GRK7: variants seen among roughly 807,000 people sequenced by gnomAD.
The protein encoded by GRK7 is rhodopsin kinase GRK7.
In GRK7, 24 loss-of-function variants were observed where a neutral mutation model predicts 34.1. That is an observed-to-expected ratio of 0.70 (90% CI 0.51 to 0.99). GRK7 has a LOEUF of 0.99. Among genes scored for constraint, GRK7 ranks in the 50% least tolerant of loss-of-function variants. The probability of loss-of-function intolerance (pLI) is 0.00; values close to 1 mark genes in which losing one functional copy is unlikely to be tolerated. For synonymous variants in GRK7, 256 were observed against 279.4 expected (o/e 0.92, Z 0.84); for missense variants, 644 against 707.3 (o/e 0.91, Z 1.02).
At position 141,765,222 on chromosome 3, in the gene GRK7, C is replaced by T. The variant is rs1306522071; in HGVS notation, c.-731C>T. Among the ~76,000 whole-genome samples, 1 of 152,224 alleles carries T rather than the reference C, an allele frequency of 6.6e-6. No homozygotes were observed. Among genetic ancestry groups the T allele is most frequent in the East Asian group, 1.9e-4 (1 of 5,188 alleles). On this transcript the variant is annotated 5_prime_UTR_variant, in exon 1 of 6. Coordinates refer to ENST00000682958, the MANE Select transcript of GRK7 (RefSeq NM_139209.3). ...TGACTTTCTTGCTGTTTCTCAAGCT[C>T]ACCAGGATTTGAGCCAGCTGTTCCT...
At chr3:141,791,359 GT>G (rs550959736) in intron 4 of GRK7, among the ~76,000 whole-genome samples, 4 of 149,604 alleles carry the variant, frequency 2.7e-5, no homozygotes, top group South Asian at 2.1e-4. Flanking sequence ...ATGCCCCCCA[GT>G]TTTTTTTTTC....
At chr3:141,815,091 A>AT (rs1464035554) in intron 5 of GRK7, among the ~76,000 whole-genome samples, 1 of 151,662 alleles carries the variant, frequency 6.6e-6, no homozygotes, top group Non-Finnish European at 1.5e-5. Flanking sequence ...CACCTGTCTA[A>AT]TTTTTTGTAT....
chr3:141,778,630 GC>G lies in GRK7; in HGVS notation c.350del (p.Pro117LeufsTer31), dbSNP rs1270248182. On this transcript the variant is annotated frameshift_variant, in exon 3 of 6. Transcript: ENST00000682958. LOFTEE classifies it high-confidence loss of function. The surrounding 1 kb of genome is among the most constrained non-coding windows in gnomAD (Gnocchi z 4.1). ...GGGGCTGGTGGCCACTTGTGCGAGT[GC>G]CCCTGCCCCGGGGAACCCGCAACCC... ...LQGLVATCAS[A>X]PAPGNPQPFL... is the part of the protein sequence containing the mutation. 1.2e-6 allele frequency: 2 copies of G among 1,612,292 alleles called. No individual in the cohort carries two copies. The highest frequency in any genetic ancestry group is 1.7e-6 in the Non-Finnish European group (2 of 1,179,340).
the GRK7 span, among the ~76,000 whole-genome samples, chr3:141,756,879 G>C: frequency 0.065 from 9,902 of 152,172 alleles, 327 homozygotes; most frequent in South Asian, 0.11. Flanking sequence ...AAGCTCCTTG[G>C]AGTTCATTAG....
At chr3:141,793,798 T>C (rs533435074) in intron 4 of GRK7, among the ~76,000 whole-genome samples, 2 of 152,340 alleles carry the variant, frequency 1.3e-5, no homozygotes, top group African/African-American at 4.8e-5. Flanking sequence ...GGGGGCTCAC[T>C]GTGAAATAAA....
the GRK7 span, among the ~76,000 whole-genome samples, chr3:141,751,866 A>C: frequency 6.6e-6 from 1 of 152,222 alleles, no homozygotes; most frequent in Admixed American, 6.5e-5. Context: ...CAGTGAAGAA[A>C]ATTCTATTGG....
At position 141,781,343 on chromosome 3, in the gene GRK7, C is replaced by G. The variant is rs774605601; in HGVS notation, c.1050+532C>G. On this transcript the variant is annotated intron_variant, in intron 4 of 5. Transcript: ENST00000682958. ...GCTGAGGTCAGGAGTTTGAGACCAG[C>G]CTGGCCAACATGGTGAAACCCCATC... Among the ~76,000 whole-genome samples, 8 of 152,086 alleles carry G rather than the reference C, an allele frequency of 5.3e-5. No individual in the cohort carries two copies. The South Asian group carries it at 1.5e-3, about 28-fold the overall frequency.
Position 141,778,022 on chromosome 3 carries a change from G to A in GRK7, c.-113-150G>A, listed in dbSNP as rs1317106951. The A allele has an allele frequency of 6.3e-6, 3 of 479,496 alleles. No individual in the cohort carries two copies. Among genetic ancestry groups the A allele is most frequent in the Non-Finnish European group, 1.1e-5 (3 of 273,528 alleles). The allele number at this position is 479,496 out of a possible 1,614,324, so 29.7% of individuals were successfully genotyped here. On this transcript the variant is annotated intron_variant, in intron 2 of 5. Coordinates refer to ENST00000682958, the MANE Select transcript of GRK7 (RefSeq NM_139209.3). The surrounding 1 kb of genome is among the most constrained non-coding windows in gnomAD (Gnocchi z 4.1). ...CCCTAAGATGAAGGGACCAGTGGGG[G>A]AGGTGGCCCCGGCAGGTGTCCCAGC...
chr3:141,797,153 C>T (rs1258401098), intron 4 of GRK7, among the ~76,000 whole-genome samples: 1 of 152,226 alleles, frequency 6.6e-6, no homozygotes, highest in Admixed American at 6.5e-5. Flanking sequence ...CTCTTTTGGG[C>T]TCCCTGTGTG....
chr3:141,755,158 G>A, the GRK7 span, among the ~76,000 whole-genome samples: 1 of 152,096 alleles, frequency 6.6e-6, no homozygotes, highest in South Asian at 2.1e-4. Flanking sequence ...AAATAAAATG[G>A]TTGCTTCTAT....
chr3:141,817,149 G>A lies in GRK7; in HGVS notation c.*99G>A, dbSNP rs1711164063. 1.1e-6 allele frequency: 1 copy of A among 873,674 alleles called. No homozygotes were observed. The highest frequency in any genetic ancestry group is 1.8e-6 in the Non-Finnish European group (1 of 570,186). 54.1% of individuals were successfully genotyped at this position (873,674 alleles called of 1,614,324 possible). A position where few individuals can be genotyped will look rare whatever the true frequency, so the allele number is the denominator to read the frequency against. On this transcript the variant is annotated 3_prime_UTR_variant, in exon 6 of 6. Transcript: ENST00000682958. ...TGTGGAATGAGGGCTAATCAGTTAG[G>A]AGGGACATCACAACCACAAAACAAT... is the stretch of plus-strand genomic sequence containing the variant.
the GRK7 span, among the ~76,000 whole-genome samples, chr3:141,755,594 A>G: frequency 1.3e-5 from 2 of 152,226 alleles, no homozygotes; most frequent in Non-Finnish European, 1.5e-5. Flanking sequence ...TGTGCCCATT[A>G]TGCCTCATCA....
rs536535609 is a variant in GRK7 at position 141,763,537 on chromosome 3, T to G, written c.-2416T>G. On this transcript the variant is annotated 5_prime_UTR_variant, in exon 1 of 6. Coordinates refer to ENST00000682958, the MANE Select transcript of GRK7 (RefSeq NM_139209.3). ...GGGCCCCAGTGCTGTGCCTAAGACC[T>G]CCTTCAACTTAGCAGTAGCCCAGTG... 1.3e-5 allele frequency among the ~76,000 whole-genome samples: 2 copies of G among 152,214 alleles called. No individual in the cohort carries two copies. Among genetic ancestry groups the G allele is most frequent in the East Asian group, 3.9e-4 (2 of 5,168 alleles).
chr3:141,792,305 G>A (rs1320771322), intron 4 of GRK7, among the ~76,000 whole-genome samples: 1 of 151,728 alleles, frequency 6.6e-6, no homozygotes, highest in Non-Finnish European at 1.5e-5. Context: ...TCGGGAGGCT[G>A]AGGCAGGGGA....
chr3:141,754,358 T>A, the GRK7 span, among the ~76,000 whole-genome samples: 2 of 152,082 alleles, frequency 1.3e-5, no homozygotes, highest in African/African-American at 4.8e-5. Flanking sequence ...ATTTATGTTC[T>A]TGGGAAAAAG....
intron 4 of GRK7, among the ~76,000 whole-genome samples, chr3:141,803,345 C>T (rs929734154): frequency 2.0e-5 from 3 of 151,318 alleles, no homozygotes; most frequent in Non-Finnish European, 2.9e-5. Flanking sequence ...GCAGAAGAAT[C>T]GCTTGAACCG....
upstream of GRK7, among the ~76,000 whole-genome samples, chr3:141,762,811 G>A (rs184101418): frequency 5.1e-3 from 784 of 152,354 alleles, 1 homozygote; most frequent in African/African-American, 0.018. Context: ...CGAGCCAGGT[G>A]AGGGATATAA....
chr3:141,788,752 G>A (rs950824281), intron 4 of GRK7, among the ~76,000 whole-genome samples: 1 of 152,160 alleles, frequency 6.6e-6, no homozygotes, highest in Non-Finnish European at 1.5e-5. Context: ...CACCATGTCT[G>A]CCCTCTCAAG....
At chr3:141,751,720 G>A in the GRK7 span, among the ~76,000 whole-genome samples, 1 of 152,154 alleles carries the variant, frequency 6.6e-6, no homozygotes, top group East Asian at 1.9e-4. Flanking sequence ...GCCACATGTA[G>A]CTATGTAAAA....
Sources: allele counts gnomAD v4.1 joint callset (sites outside exome capture counted in the v4.1 genomes callset), GRCh38; gene constraint gnomAD v4.1.1; non-coding constraint Gnocchi (gnomAD v3.1); transcripts MANE v1.5; gene names NCBI Gene and HGNC (gene_info 2026-07-23, HGNC 2026-07-21).